PCSK5: variants seen among roughly 807,000 people sequenced by gnomAD.
PCSK5 encodes the protein proprotein convertase subtilisin/kexin type 5, also known as prohormone convertase 5.
In PCSK5, 129 loss-of-function variants were observed where a neutral mutation model predicts 233.2. That is an observed-to-expected ratio of 0.55 (90% CI 0.48 to 0.64). The LOEUF is 0.64. Ranked by LOEUF, PCSK5 falls within the 30% of genes least tolerant of loss-of-function variation. The pLI is 0.00. For synonymous variants in PCSK5, 825 were observed against 879.2 expected (o/e 0.94, Z 1.09); for missense variants, 2,076 against 2,430.1 (o/e 0.85, Z 3.06).
intron 24 of PCSK5, among the ~76,000 whole-genome samples, chr9:76,290,590 G>A (rs1213149153): frequency 6.6e-6 from 1 of 152,108 alleles, no homozygotes; most frequent in Admixed American, 6.6e-5. Context: ...CCTAAATATA[G>A]ACAGTTCTTT....
intron 24 of PCSK5, among the ~76,000 whole-genome samples, chr9:76,241,126 A>AG (rs35039187): frequency 2.0e-5 from 3 of 152,060 alleles, no homozygotes; most frequent in African/African-American, 7.2e-5. Context: ...GGGTAGAGGG[A>AG]GGGGGGGTTT....
chr9:76,328,828 G>T (rs1337274434), intron 33 of PCSK5, among the ~76,000 whole-genome samples: 2 of 151,686 alleles, frequency 1.3e-5, no homozygotes, highest in Non-Finnish European at 2.9e-5. Flanking sequence ...TTGTTTGTTG[G>T]GAAGGAGTCT....
intron 5 of PCSK5, among the ~76,000 whole-genome samples, chr9:76,064,505 G>T (rs1342069402): frequency 1.4e-5 from 2 of 148,028 alleles, no homozygotes; most frequent in Admixed American, 1.3e-4. Context: ...CCGGGCGGGG[G>T]GCTGAACCCC....
At chr9:75,995,735 A>T (rs891473385) in intron 3 of PCSK5, among the ~76,000 whole-genome samples, 2 of 120,448 alleles carry the variant, frequency 1.7e-5, no homozygotes, top group Non-Finnish European at 3.4e-5. Flanking sequence ...TTTTAACAGG[A>T]TTCATTCATA....
intron 20 of PCSK5, among the ~76,000 whole-genome samples, chr9:76,216,619 G>A (rs1046851756): frequency 6.6e-6 from 1 of 152,100 alleles, no homozygotes; most frequent in African/African-American, 2.4e-5. Flanking sequence ...AATTTTTTAG[G>A]AAGTGAATTG....
At chr9:76,245,262 T>G (rs1826553155) in intron 24 of PCSK5, among the ~76,000 whole-genome samples, 1 of 152,180 alleles carries the variant, frequency 6.6e-6, no homozygotes, top group South Asian at 2.1e-4. Context: ...AAAGAGATCA[T>G]GAAAATGTAT....
At chr9:75,973,861 G>A (rs1397281192) in intron 2 of PCSK5, among the ~76,000 whole-genome samples, 1 of 152,180 alleles carries the variant, frequency 6.6e-6, no homozygotes, top group African/African-American at 2.4e-5. Flanking sequence ...GGGGCAGAGG[G>A]CCGAGGAGTG....
chr9:76,124,687 A>G (rs193165753), intron 9 of PCSK5, among the ~76,000 whole-genome samples: 1 of 144,750 alleles, frequency 6.9e-6, no homozygotes, highest in African/African-American at 2.5e-5. Context: ...CAGAGGTTGC[A>G]GTGAGCCAAG....
chr9:75,971,918 CTTTAG>C (rs1331143583), intron 2 of PCSK5, among the ~76,000 whole-genome samples: 2 of 152,046 alleles, frequency 1.3e-5, no homozygotes, highest in East Asian at 3.9e-4. Context: ...TGCAGAAGCT[CTTTAG>C]TTTAATTAGA....
intron 3 of PCSK5, among the ~76,000 whole-genome samples, chr9:75,987,642 A>G (rs576323237): frequency 2.6e-5 from 4 of 152,112 alleles, no homozygotes; most frequent in Non-Finnish European, 5.9e-5. Flanking sequence ...AATTTTCCTC[A>G]TGTTTAAGGG....
chr9:76,085,572 T>C (rs1398706705), intron 7 of PCSK5, among the ~76,000 whole-genome samples: 3 of 152,218 alleles, frequency 2.0e-5, no homozygotes, highest in Non-Finnish European at 4.4e-5. Context: ...TAGAGGCTTG[T>C]AAATAATGCG....
chr9:76,229,811 C>T (rs1156304820), intron 21 of PCSK5, among the ~76,000 whole-genome samples: 2 of 152,212 alleles, frequency 1.3e-5, no homozygotes, highest in African/African-American at 2.4e-5. Context: ...ATCATCTCTG[C>T]CCAGCTGCTT....
chr9:76,087,999 C>T (rs1244475941), intron 7 of PCSK5, among the ~76,000 whole-genome samples: 1 of 152,240 alleles, frequency 6.6e-6, no homozygotes, highest in Non-Finnish European at 1.5e-5. Context: ...TATTTCCCAT[C>T]TCTCTCATCA....
chr9:76,121,300 T>G (rs1832621213), intron 9 of PCSK5, among the ~76,000 whole-genome samples: 3 of 152,154 alleles, frequency 2.0e-5, no homozygotes, highest in Admixed American at 2.0e-4. Flanking sequence ...AATAATACAT[T>G]GTTAATATTA....
chr9:76,156,424 T>C (rs941558943), intron 10 of PCSK5, among the ~76,000 whole-genome samples: 1 of 152,232 alleles, frequency 6.6e-6, no homozygotes, highest in Admixed American at 6.5e-5. Flanking sequence ...TTGTATATGC[T>C]AGAAGAAAGG....
At chr9:76,320,820 GTTT>G (rs201178647) in intron 30 of PCSK5, among the ~76,000 whole-genome samples, 1 of 135,466 alleles carries the variant, frequency 7.4e-6, no homozygotes, top group Non-Finnish European at 1.6e-5. Context: ...TTTTGGTTTT[GTTT>G]TTTTTTTTTT....
chr9:76,071,527 T>C (rs545327062), intron 6 of PCSK5, among the ~76,000 whole-genome samples, 199 bp from the exon 7 acceptor site: 1 of 152,300 alleles, frequency 6.6e-6, no homozygotes, highest in South Asian at 2.1e-4. Context: ...GAAGTTTTGC[T>C]CTTTTATATA....
chr9:76,239,066 T>G lies in PCSK5; in HGVS notation c.2974T>G (p.Cys992Gly), dbSNP rs1396131055. 1 of 1,611,126 alleles carries G rather than the reference T, an allele frequency of 6.2e-7. No homozygotes were observed. Among genetic ancestry groups the G allele is most frequent in the Non-Finnish European group, 8.5e-7 (1 of 1,179,236 alleles). The change falls in exon 23 of 38, where the codon TGT becomes GGT. Residue 992 changes from cysteine (C) to glycine (G), a missense_variant. Around this residue, in one of 6 missense-constraint regions of PCSK5, gnomAD observed 1,510 missense variants for 1,538.1 expected, o/e 0.98. Coordinates refer to ENST00000674117, the MANE Select transcript of PCSK5 (RefSeq NM_001372043.1). ...GNTCLPCPDN[C>G]ELCHSVHVCT... ...CACCTGCCTGCCCTGCCCAGACAAC[T>G]GTGAGCTTTGCCACAGCGTGCATGT...
chr9:76,069,881 A>G (rs7042701), intron 6 of PCSK5, among the ~76,000 whole-genome samples: 104,666 of 151,952 alleles, frequency 0.69, 36,420 homozygotes, highest in South Asian at 0.79. Context: ...ACATGCAGAC[A>G]AATTTTGAAT....
Sources: gnomAD v4.1 joint callset for allele counts (sites outside exome capture counted in the v4.1 genomes callset) on GRCh38, gnomAD v4.1.1 for gene constraint, gnomAD v4.1.1 regional missense constraint, MANE v1.5 for transcripts, NCBI Gene and HGNC (gene_info 2026-07-23, HGNC 2026-07-21) for gene names.